Variants in OR7A10 observed in about 807,000 individuals in gnomAD.
OR7A10 encodes the protein olfactory receptor family 7 subfamily A member 10, also known as olfactory receptor 7A10.
For synonymous variants in OR7A10, 144 were observed against 144.5 expected (o/e 1.00, Z 0.02); for missense variants, 358 against 370.1 (o/e 0.97, Z 0.27).
intron 1 of OR7A10, among the ~76,000 whole-genome samples, chr19:14,847,207 T>C (rs1337509018): frequency 6.6e-6 from 1 of 152,224 alleles, no homozygotes; most frequent in African/African-American, 2.4e-5. Flanking sequence ...AAAATCACTT[T>C]GAATCCATCA....
Position 14,840,859 on chromosome 19 carries a change from T to C in OR7A10, c.*89A>G, listed in dbSNP as rs8100008. 1.0e-2 allele frequency: 9,069 copies of C among 908,982 alleles called. 574 individuals are homozygous for C. In the African/African-American group the frequency reaches 0.14, roughly 14 times the overall value. 56.3% of individuals were successfully genotyped at this position (908,982 alleles called of 1,614,324 possible). A position where few individuals can be genotyped will look rare whatever the true frequency, so the allele number is the denominator to read the frequency against. On this transcript the variant is annotated 3_prime_UTR_variant, in exon 2 of 2. Coordinates refer to ENST00000641129, the MANE Select transcript of OR7A10 (RefSeq NM_001005190.2). ...GGAAATAAATGGAAGGGGCAAGTCT[T>C]CCTTCCACCATCTTATTAACAAATC...
At position 14,840,903 on chromosome 19, in the gene OR7A10, G is replaced by T. The variant is rs1350974582; in HGVS notation, c.*45C>A. ...ACAAATCACCATTTCTGGCTCTGGG[G>T]CTTAGAGCTCTGAAGTCACAGGCCT... is the stretch of plus-strand genomic sequence containing the variant. On this transcript the variant is annotated 3_prime_UTR_variant, in exon 2 of 2. Coordinates refer to ENST00000641129, the MANE Select transcript of OR7A10 (RefSeq NM_001005190.2). The T allele has an allele frequency of 2.9e-6, 4 of 1,368,270 alleles. No homozygotes were observed. The highest frequency in any genetic ancestry group is 1.3e-5 in the South Asian group (1 of 74,904). 84.8% of individuals were successfully genotyped at this position (1,368,270 alleles called of 1,614,324 possible). A position where few individuals can be genotyped will look rare whatever the true frequency, so the allele number is the denominator to read the frequency against.
chr19:14,842,628 G>A (rs1330696841), intron 1 of OR7A10, among the ~76,000 whole-genome samples: 1 of 152,174 alleles, frequency 6.6e-6, no homozygotes, highest in Non-Finnish European at 1.5e-5. Flanking sequence ...TTGGTTTCTT[G>A]TTCCTGCATT....
chr19:14,848,624 C>G lies in OR7A10; in HGVS notation c.-137G>C, dbSNP rs1214653269. 2.0e-5 allele frequency: 3 copies of G among 152,210 alleles called. No individual in the cohort carries two copies. The highest frequency in any genetic ancestry group is 4.4e-5 in the Non-Finnish European group (3 of 68,072). The allele number at this position is 152,210 out of a possible 1,614,324, so 9.4% of individuals were successfully genotyped here. A position where few individuals can be genotyped will look rare whatever the true frequency, so the allele number is the denominator to read the frequency against. On this transcript the variant is annotated 5_prime_UTR_variant, in exon 1 of 2. Coordinates refer to ENST00000641129, the MANE Select transcript of OR7A10 (RefSeq NM_001005190.2). ...GTAGGAGAAAGGAAAGAATCAGTACCCCTGAGCCAGCAGATATAGACTCCG... is the reference window on the plus strand; with the variant it reads ...GTAGGAGAAAGGAAAGAATCAGTACGCCTGAGCCAGCAGATATAGACTCCG...
rs2044917429 is a variant in OR7A10, at chr19:14,842,026, A to G, written c.-12-137T>C. Reference sequence around the variant, plus strand: ...ATCTTTTTCTTAAAAAATTATTTTTAAGTTGACAGATAAAATTATATGTAT... The same window carrying G: ...ATCTTTTTCTTAAAAAATTATTTTTGAGTTGACAGATAAAATTATATGTAT... On this transcript the variant is annotated intron_variant, in intron 1 of 1. Coordinates refer to ENST00000641129, the MANE Select transcript of OR7A10 (RefSeq NM_001005190.2). 3 of 615,316 alleles carry G rather than the reference A, an allele frequency of 4.9e-6. No homozygotes were observed. The South Asian group carries it at 6.9e-5, about 14-fold the overall frequency. 38.1% of individuals were successfully genotyped at this position (615,316 alleles called of 1,614,324 possible). A position where few individuals can be genotyped will look rare whatever the true frequency, so the allele number is the denominator to read the frequency against.
At chr19:14,847,275 A>G (rs1270107856) in intron 1 of OR7A10, among the ~76,000 whole-genome samples, 2 of 152,250 alleles carry the variant, frequency 1.3e-5, no homozygotes, top group Non-Finnish European at 2.9e-5. Context: ...TGTCTGACAA[A>G]CACAGATGTA....
At chr19:14,844,217 G>T (rs10854133) in intron 1 of OR7A10, among the ~76,000 whole-genome samples, 115,104 of 152,094 alleles carry the variant, frequency 0.76, 44,019 homozygotes, top group East Asian at 1. Context: ...CTACATCAGG[G>T]CGTGACAGCT....
Position 14,840,949 on chromosome 19 carries a change from T to G in OR7A10, c.929A>C (p.Ter310SerextTer69), listed in dbSNP as rs765982155. The change falls in exon 2 of 2, where the codon TAG (stop) becomes TCG (serine). Residue 310 changes from the stop codon to serine, a stop_lost. Transcript: ENST00000641129. Reference sequence around the variant, plus strand: ...GGCCTTTCTTGAAAAATAGCCTTTCTATTGCTTTCCTCTGAAGAATGTTTT... The same window carrying G: ...GGCCTTTCTTGAAAAATAGCCTTTCGATTGCTTTCCTCTGAAGAATGTTTT... ...AMKTFFRGKQ[*>S] The G allele has an allele frequency of 1.9e-6, 3 of 1,599,680 alleles. No individual in the cohort carries two copies. Among genetic ancestry groups the G allele is most frequent in the Non-Finnish European group, 2.6e-6 (3 of 1,174,378 alleles).
At position 14,841,908 on chromosome 19, in the gene OR7A10, G is replaced by GAA. The variant is rs1186946700; in HGVS notation, c.-12-20_-12-19insTT. 1.4e-6 allele frequency: 2 copies of GAA among 1,442,308 alleles called. No homozygotes were observed. The highest frequency in any genetic ancestry group is 2.8e-5 in the African/African-American group (2 of 70,228). 89.3% of individuals were successfully genotyped at this position (1,442,308 alleles called of 1,614,324 possible). On this transcript the variant is annotated intron_variant, in intron 1 of 1. Coordinates refer to ENST00000641129, the MANE Select transcript of OR7A10 (RefSeq NM_001005190.2). ...GATGTGACTACCAGAGAGAGAGAGA[G>GAA]AGAGAGAGAGAGAGTGAAAGAACAT... is the stretch of plus-strand genomic sequence containing the variant.
chr19:14,841,617 T>A lies in OR7A10; in HGVS notation c.261A>T (p.Thr87=). The A allele has an allele frequency of 6.2e-7, 1 of 1,614,192 alleles. No individual in the cohort carries two copies. Among genetic ancestry groups the A allele is most frequent in the South Asian group, 1.1e-5 (1 of 91,082 alleles). ...CTGCATAGGTGATGACTTTGTTGTGTGTCTGGATGTTCACCAGCATCTTCG... is the reference window on the plus strand; with the variant it reads ...CTGCATAGGTGATGACTTTGTTGTGAGTCTGGATGTTCACCAGCATCTTCG... ...TVPKMLVNIQ[T]HNKVITYAGC... The change falls in exon 2 of 2, where the codon ACA becomes ACT. Residue 87 remains threonine, a synonymous_variant. Coordinates refer to ENST00000641129, the MANE Select transcript of OR7A10 (RefSeq NM_001005190.2).
At chr19:14,844,666 T>TTTTTGTTTTTTTG (rs1366971981) in intron 1 of OR7A10, among the ~76,000 whole-genome samples, 1 of 131,906 alleles carries the variant, frequency 7.6e-6, no homozygotes, top group Admixed American at 8.1e-5. Context: ...AGTTCTGTGT[T>TTTTTGTTTTTTTG]TTTTTTTTTT....
chr19:14,848,793 G>A lies in OR7A10; in HGVS notation c.-306C>T, dbSNP rs1355740039. On this transcript the variant is annotated 5_prime_UTR_variant, in exon 1 of 2. Transcript: ENST00000641129. ...CCCTGATCACATTCAGTCCCTGTGGGACATTGCTCTTCATGGAAAGAAATT... is the reference window on the plus strand; with the variant it reads ...CCCTGATCACATTCAGTCCCTGTGGAACATTGCTCTTCATGGAAAGAAATT... 1.3e-5 allele frequency: 2 copies of A among 152,174 alleles called. No individual in the cohort carries two copies. The highest frequency in any genetic ancestry group is 4.8e-5 in the African/African-American group (2 of 41,436). The allele number at this position is 152,174 out of a possible 1,614,324, so 9.4% of individuals were successfully genotyped here.
chr19:14,842,665 C>A (rs1000230791), intron 1 of OR7A10, among the ~76,000 whole-genome samples: 5 of 152,170 alleles, frequency 3.3e-5, no homozygotes, highest in Non-Finnish European at 5.9e-5. Flanking sequence ...TGGCTTTTAG[C>A]TACACCCATG....
intron 1 of OR7A10, among the ~76,000 whole-genome samples, chr19:14,847,106 A>G (rs2044946538): frequency 6.6e-6 from 1 of 152,264 alleles, no homozygotes; most frequent in South Asian, 2.1e-4. Context: ...TCCTTGTGTA[A>G]TAACTCACAT....
chr19:14,847,662 C>T (rs1158310893), intron 1 of OR7A10, among the ~76,000 whole-genome samples: 1 of 152,034 alleles, frequency 6.6e-6, no homozygotes, highest in Non-Finnish European at 1.5e-5. Flanking sequence ...AAGCGCCCGC[C>T]ACCACGCCAG....
intron 1 of OR7A10, among the ~76,000 whole-genome samples, chr19:14,844,985 A>G (rs1448303696): frequency 6.6e-6 from 1 of 151,278 alleles, no homozygotes; most frequent in Non-Finnish European, 1.5e-5. Flanking sequence ...TTTAATTACA[A>G]GTTGCCTTTT....
Position 14,840,654 on chromosome 19 carries a change from C to T in OR7A10, c.*294G>A, listed in dbSNP as rs1170136431. 1.3e-5 allele frequency: 3 copies of T among 231,532 alleles called. No homozygotes were observed. The highest frequency in any genetic ancestry group is 8.9e-5 in the South Asian group (1 of 11,296). 14.3% of individuals were successfully genotyped at this position (231,532 alleles called of 1,614,324 possible). A position where few individuals can be genotyped will look rare whatever the true frequency, so the allele number is the denominator to read the frequency against. On this transcript the variant is annotated 3_prime_UTR_variant, in exon 2 of 2. Coordinates refer to ENST00000641129, the MANE Select transcript of OR7A10 (RefSeq NM_001005190.2). ...ACTCAGATGAACAAACCTAGTGACG[C>T]GTGGACACCAGGCTCCTCTACTTCA...
chr19:14,848,336 C>T (rs1307793910), intron 1 of OR7A10, among the ~76,000 whole-genome samples, 164 bp downstream of exon 1: 12 of 152,166 alleles, frequency 7.9e-5, no homozygotes. Flanking sequence ...CACTTCTCTT[C>T]TTAGCTTCAT....
At chr19:14,843,093 C>G (rs1251468918) in intron 1 of OR7A10, among the ~76,000 whole-genome samples, 1 of 152,194 alleles carries the variant, frequency 6.6e-6, no homozygotes, top group Non-Finnish European at 1.5e-5. Context: ...CTCAACGTCC[C>G]TAATCATTAC....
Sources: allele counts gnomAD v4.1 joint callset (sites outside exome capture counted in the v4.1 genomes callset), GRCh38; gene constraint gnomAD v4.1.1; transcripts MANE v1.5; gene names NCBI Gene and HGNC (gene_info 2026-07-23, HGNC 2026-07-21).